The following MTUS2 variants were observed in gnomAD, a reference collection of about 807,000 sequenced individuals.
MTUS2 encodes microtubule associated scaffold protein 2.
A neutral mutation model predicts 114.1 loss-of-function variants in MTUS2; 40 were observed. The ratio of observed to expected loss-of-function variants is 0.35; its 90% confidence interval spans 0.27 to 0.46. The LOEUF is 0.46. Among genes scored for constraint, MTUS2 ranks in the 20% least tolerant of loss-of-function variants. The pLI is 1.00. For missense variants in MTUS2, 1,679 were observed against 1,705.4 expected, an observed-to-expected ratio of 0.98 and a Z score of 0.27; for synonymous variants, 688 against 672.0, an observed-to-expected ratio of 1.02 and a Z score of -0.37.
intron 2 of MTUS2, among the ~76,000 whole-genome samples, chr13:28,867,827 T>C (rs1390881505): frequency 1.3e-5 from 2 of 152,164 alleles, no homozygotes; most frequent in Non-Finnish European, 2.9e-5. Flanking sequence ...TTCTTTTTTC[T>C]GAAATACTGT....
chr13:29,476,147 T>C (rs1880685704), intron 9 of MTUS2, among the ~76,000 whole-genome samples: 1 of 152,228 alleles, frequency 6.6e-6, no homozygotes. Flanking sequence ...TACAGTAACA[T>C]GCTCTACAGG....
At chr13:29,061,810 T>C (rs539887152) in intron 4 of MTUS2, among the ~76,000 whole-genome samples, 1 of 152,374 alleles carries the variant, frequency 6.6e-6, no homozygotes, top group South Asian at 2.1e-4. Flanking sequence ...GTTTTTTAAC[T>C]GTTTATGGCT....
chr13:29,094,791 A>G (rs1181326125), intron 4 of MTUS2, among the ~76,000 whole-genome samples: 2 of 151,888 alleles, frequency 1.3e-5, no homozygotes, highest in Non-Finnish European at 2.9e-5. Flanking sequence ...ATTGACATCT[A>G]TCTTCTTTTT....
intron 5 of MTUS2, among the ~76,000 whole-genome samples, chr13:29,137,987 G>T (rs905712107): frequency 6.6e-6 from 1 of 152,148 alleles, no homozygotes; most frequent in Non-Finnish European, 1.5e-5. Context: ...TGAGCAGGAG[G>T]GGGAACAACA....
At chr13:29,014,722 C>T (rs1177072638) in intron 2 of MTUS2, among the ~76,000 whole-genome samples, 1 of 152,184 alleles carries the variant, frequency 6.6e-6, no homozygotes, top group Non-Finnish European at 1.5e-5. Flanking sequence ...GTGGCTAGAG[C>T]TGAGAGTGAG....
intron 6 of MTUS2, among the ~76,000 whole-genome samples, chr13:29,286,703 T>TATCTATC (rs1555261591): frequency 2.6e-5 from 4 of 152,142 alleles, no homozygotes; most frequent in South Asian, 2.1e-4. Flanking sequence ...TCTATCTTAC[T>TATCTATC]TATTTGAGAC....
At chr13:29,211,918 G>C (rs1215198093) in intron 5 of MTUS2, among the ~76,000 whole-genome samples, 2 of 152,066 alleles carry the variant, frequency 1.3e-5, no homozygotes, top group African/African-American at 4.8e-5. Context: ...TCCACAAGCT[G>C]CTCTGTCCAT....
chr13:29,421,017 C>A (rs928794927), intron 8 of MTUS2, among the ~76,000 whole-genome samples: 1 of 152,174 alleles, frequency 6.6e-6, no homozygotes. Flanking sequence ...TATCTGAGAA[C>A]ATATCTCAGA....
intron 5 of MTUS2, among the ~76,000 whole-genome samples, chr13:29,196,535 T>C (rs915265189): frequency 2.6e-5 from 4 of 152,312 alleles, no homozygotes; most frequent in African/African-American, 9.6e-5. Flanking sequence ...TTCATAATGT[T>C]GTGCAGCCAT....
At chr13:29,450,007 A>C (rs1161153715) in intron 9 of MTUS2, among the ~76,000 whole-genome samples, 1 of 152,158 alleles carries the variant, frequency 6.6e-6, no homozygotes, top group Non-Finnish European at 1.5e-5. Context: ...CTGTCCTATG[A>C]CCGCAAGGTG....
intron 5 of MTUS2, among the ~76,000 whole-genome samples, chr13:29,277,333 G>A (rs890114565): frequency 3.9e-5 from 6 of 151,986 alleles, no homozygotes; most frequent in Non-Finnish European, 5.9e-5. Context: ...TGTTGCAGTC[G>A]GAAAAAGAAG....
chr13:28,891,745 G>T (rs1343637070), intron 2 of MTUS2, among the ~76,000 whole-genome samples: 1 of 151,206 alleles, frequency 6.6e-6, no homozygotes, highest in East Asian at 2.0e-4. Flanking sequence ...GGTTGTGCTG[G>T]TGCGTGCCTG....
At chr13:28,972,053 T>C (rs991590046) in intron 2 of MTUS2, among the ~76,000 whole-genome samples, 2 of 152,226 alleles carry the variant, frequency 1.3e-5, no homozygotes, top group East Asian at 1.9e-4. Context: ...TCACAAGATA[T>C]AGATGGCATT....
At chr13:28,928,603 G>A (rs749690190) in intron 2 of MTUS2, among the ~76,000 whole-genome samples, 1 of 152,038 alleles carries the variant, frequency 6.6e-6, no homozygotes, top group Non-Finnish European at 1.5e-5. Context: ...ATAATGCTGC[G>A]GAGAATGGGG....
At chr13:29,176,215 T>C (rs77567693) in intron 5 of MTUS2, among the ~76,000 whole-genome samples, 493 of 152,332 alleles carry the variant, frequency 3.2e-3, no homozygotes, top group Non-Finnish European at 5.0e-3. Context: ...CTGACTGTAC[T>C]GCTCTTTTTT....
chr13:29,234,639 A>G (rs980880695), intron 5 of MTUS2, among the ~76,000 whole-genome samples: 7 of 152,152 alleles, frequency 4.6e-5, no homozygotes, highest in Non-Finnish European at 1.0e-4. Flanking sequence ...CTGATTTATA[A>G]TGCTGTTTCT....
At position 29,248,150 on chromosome 13, in the gene MTUS2, G is replaced by T. The variant is rs144357769; in HGVS notation, c.2645-33554G>T. 9.9e-5 allele frequency among the ~76,000 whole-genome samples: 15 copies of T among 151,900 alleles called. No homozygotes were observed. In the East Asian group the frequency reaches 2.9e-3, roughly 30 times the overall value. ...TCCTAAGTGAAGTAGCACCAGAATG[G>T]AAAACCAAACATCATATGTTCTCAC... On this transcript the variant is annotated intron_variant, in intron 5 of 15. Coordinates refer to ENST00000612955, the MANE Select transcript of MTUS2 (RefSeq NM_001033602.4).
intron 4 of MTUS2, among the ~76,000 whole-genome samples, chr13:29,092,777 C>A (rs1890020110): frequency 1.3e-5 from 2 of 152,072 alleles, no homozygotes; most frequent in African/African-American, 4.8e-5. Flanking sequence ...ACAGAAAAAT[C>A]ATGTATCAAT....
intron 2 of MTUS2, among the ~76,000 whole-genome samples, chr13:29,006,037 G>A (rs1268030790): frequency 1.3e-5 from 2 of 152,202 alleles, no homozygotes; most frequent in African/African-American, 4.8e-5. Flanking sequence ...TTACTATGTA[G>A]GGATTTGGTT....
Sources: allele counts gnomAD v4.1 joint callset (sites outside exome capture counted in the v4.1 genomes callset), GRCh38; gene constraint gnomAD v4.1.1; transcripts MANE v1.5; gene names NCBI Gene and HGNC (gene_info 2026-07-23, HGNC 2026-07-21).